The following ADGRB3 variants were observed in gnomAD, a reference collection of about 807,000 sequenced individuals.
The protein encoded by ADGRB3 is adhesion G protein-coupled receptor B3.
ADGRB3 carries 37 observed loss-of-function variants against 193.4 expected under a neutral mutation model. The observed-to-expected ratio is 0.19, with a 90% CI of 0.15 to 0.25. The LOEUF (loss-of-function observed/expected upper bound fraction) is 0.25. ADGRB3 is among the 10% of genes least tolerant of loss of function. The pLI is 1.00. For missense variants in ADGRB3, 1,637 were observed against 1,852.9 expected, an observed-to-expected ratio of 0.88 and a Z score of 2.14; for synonymous variants, 690 against 644.2, an observed-to-expected ratio of 1.07 and a Z score of -1.08.
chr6:69,280,303 G>A (rs556463591), intron 20 of ADGRB3, among the ~76,000 whole-genome samples: 77 of 152,198 alleles, frequency 5.1e-4, no homozygotes, highest in Non-Finnish European at 9.3e-4. Context: ...GAACTGACCT[G>A]CGTCCCATTT....
intron 3 of ADGRB3, among the ~76,000 whole-genome samples, chr6:68,667,448 T>G (rs570993297): frequency 6.6e-6 from 1 of 152,034 alleles, no homozygotes; most frequent in South Asian, 2.1e-4. Context: ...CCTAATATTA[T>G]AATCTTGAAA....
chr6:68,880,369 C>T (rs1451823000), intron 3 of ADGRB3, among the ~76,000 whole-genome samples: 1 of 152,206 alleles, frequency 6.6e-6, no homozygotes, highest in Non-Finnish European at 1.5e-5. Context: ...CTATATGCTA[C>T]TGTCACTTTA....
At chr6:69,183,507 A>C (rs930187138) in intron 17 of ADGRB3, among the ~76,000 whole-genome samples, 5 of 152,114 alleles carry the variant, frequency 3.3e-5, no homozygotes, top group African/African-American at 1.2e-4. Flanking sequence ...GTAACTTTAA[A>C]TTGCTAAATG....
chr6:69,273,558 A>T (rs985629416), intron 20 of ADGRB3, among the ~76,000 whole-genome samples: 3 of 152,206 alleles, frequency 2.0e-5, no homozygotes, highest in Non-Finnish European at 4.4e-5. Context: ...TGGAATTGAG[A>T]TTAGGAACTA....
At chr6:69,279,356 C>G (rs943918728) in intron 20 of ADGRB3, among the ~76,000 whole-genome samples, 1 of 151,798 alleles carries the variant, frequency 6.6e-6, no homozygotes, top group South Asian at 2.1e-4. Context: ...CTGCAGCTCA[C>G]TCTTGTTGCC....
At chr6:69,302,048 T>C (rs538245216) in intron 20 of ADGRB3, among the ~76,000 whole-genome samples, 1 of 152,048 alleles carries the variant, frequency 6.6e-6, no homozygotes, top group African/African-American at 2.4e-5. Flanking sequence ...CAGCTTCTGC[T>C]GACCAAGAGG....
At chr6:68,861,979 T>C (rs1231515892) in intron 3 of ADGRB3, among the ~76,000 whole-genome samples, 1 of 152,198 alleles carries the variant, frequency 6.6e-6, no homozygotes, top group African/African-American at 2.4e-5. Flanking sequence ...GTCATTATCA[T>C]TACTATCTAT....
chr6:68,808,202 A>G (rs1287455580), intron 3 of ADGRB3, among the ~76,000 whole-genome samples: 3 of 152,186 alleles, frequency 2.0e-5, no homozygotes, highest in Middle Eastern at 3.2e-3. Flanking sequence ...TTCCTACACA[A>G]TAGATTCTGA....
At chr6:68,890,225 G>A (rs1345178450) in intron 3 of ADGRB3, among the ~76,000 whole-genome samples, 1 of 152,174 alleles carries the variant, frequency 6.6e-6, no homozygotes, top group Non-Finnish European at 1.5e-5. Flanking sequence ...AAGAATTTGA[G>A]AATTGAAATC....
intron 17 of ADGRB3, among the ~76,000 whole-genome samples, chr6:69,091,656 G>T (rs867321325): frequency 6.6e-6 from 1 of 152,180 alleles, no homozygotes; most frequent in African/African-American, 2.4e-5. Context: ...GCGGGTGGGA[G>T]GAGGGAAAGG....
At chr6:68,684,159 G>A (rs1689305447) in intron 3 of ADGRB3, among the ~76,000 whole-genome samples, 1 of 152,142 alleles carries the variant, frequency 6.6e-6, no homozygotes, top group Non-Finnish European at 1.5e-5. Context: ...CTCAGTCATA[G>A]TGTCCTAGAA....
chr6:69,144,273 T>G (rs1159539082), intron 17 of ADGRB3, among the ~76,000 whole-genome samples: 1 of 152,228 alleles, frequency 6.6e-6, no homozygotes, highest in Non-Finnish European at 1.5e-5. Flanking sequence ...GAATCCTGAA[T>G]CCTGAATTTG....
intron 3 of ADGRB3, among the ~76,000 whole-genome samples, chr6:68,669,758 T>C (rs926556323): frequency 6.6e-6 from 1 of 151,904 alleles, no homozygotes; most frequent in Non-Finnish European, 1.5e-5. Flanking sequence ...TGCTGATATC[T>C]CTTCGATGTA....
chr6:69,134,034 G>A (rs78064808), intron 17 of ADGRB3, among the ~76,000 whole-genome samples: 2,151 of 152,110 alleles, frequency 0.014, 87 homozygotes, highest in East Asian at 0.1. Context: ...TTTTATGTCC[G>A]AGTAGTATTC....
chr6:69,180,290 C>A (rs1170975202), intron 17 of ADGRB3, among the ~76,000 whole-genome samples: 1 of 152,152 alleles, frequency 6.6e-6, no homozygotes. Context: ...CAAACAGGTG[C>A]TTTGAATGGT....
chr6:68,763,904 C>A (rs576629198), intron 3 of ADGRB3, among the ~76,000 whole-genome samples: 1 of 152,202 alleles, frequency 6.6e-6, no homozygotes, highest in East Asian at 1.9e-4. Flanking sequence ...GAAACACTGC[C>A]TCTACCAAAA....
intron 26 of ADGRB3, 80 bp from the exon 27 acceptor site, chr6:69,354,153 C>G (rs1769286346): frequency 3.0e-6 from 3 of 1,000,720 alleles, no homozygotes. Context: ...TAACCACTGC[C>G]TCAGAGCTGA....
intron 17 of ADGRB3, among the ~76,000 whole-genome samples, chr6:69,093,625 T>C (rs1278733242): frequency 1.8e-5 from 2 of 110,776 alleles, no homozygotes; most frequent in Admixed American, 1.8e-4. Context: ...CAGTGGGAGA[T>C]GGGTGGGGAG....
At chr6:68,955,225 A>C (rs991333812) in intron 6 of ADGRB3, among the ~76,000 whole-genome samples, 2 of 152,160 alleles carry the variant, frequency 1.3e-5, no homozygotes, top group Non-Finnish European at 2.9e-5. Context: ...GCTTGCCTGA[A>C]GCCTCGGTTT....
Sources: gnomAD v4.1 joint callset for allele counts (sites outside exome capture counted in the v4.1 genomes callset) on GRCh38, gnomAD v4.1.1 for gene constraint, MANE v1.5 for transcripts, NCBI Gene and HGNC (gene_info 2026-07-23, HGNC 2026-07-21) for gene names.